Variants in CMSS1 observed in about 807,000 individuals in gnomAD.
CMSS1 encodes the protein protein CMSS1.
CMSS1 carries 33 observed loss-of-function variants against 43.5 expected under a neutral mutation model. That is an observed-to-expected ratio of 0.76 (90% confidence interval 0.57 to 1.01). The LOEUF (loss-of-function observed/expected upper bound fraction) is 1.01, where lower values mean the gene tolerates loss of function less well. Ranked by LOEUF, CMSS1 falls within the 50% of genes least tolerant of loss-of-function variation. CMSS1 has a pLI of 0.00. For synonymous variants in CMSS1, 115 were observed against 117.2 expected (o/e 0.98, Z 0.12); for missense variants, 313 against 326.4 (o/e 0.96, Z 0.32).
At chr3:99,988,526 A>AG (rs1390564205) in intron 1 of CMSS1, among the ~76,000 whole-genome samples, 4 of 143,932 alleles carry the variant, frequency 2.8e-5, no homozygotes, top group Middle Eastern at 3.6e-3. Context: ...AAAAAAAAAA[A>AG]AAAAGAAAGA....
chr3:99,960,038 T>C (rs968474282), intron 1 of CMSS1, among the ~76,000 whole-genome samples: 1 of 152,176 alleles, frequency 6.6e-6, no homozygotes, highest in Non-Finnish European at 1.5e-5. Flanking sequence ...CCTTCATTTA[T>C]AAATTGTCTA....
At chr3:100,145,520 A>G (rs2066842570) in intron 1 of CMSS1, among the ~76,000 whole-genome samples, 1 of 152,164 alleles carries the variant, frequency 6.6e-6, no homozygotes, top group Non-Finnish European at 1.5e-5. Flanking sequence ...ATAAGGAACG[A>G]GATTTACTCT....
intron 2 of CMSS1, among the ~76,000 whole-genome samples, chr3:100,150,277 G>C (rs1320259856): frequency 6.6e-6 from 1 of 152,152 alleles, no homozygotes; most frequent in Admixed American, 6.5e-5. Flanking sequence ...ACAGTTTGGG[G>C]CTCTTATTTG....
intron 1 of CMSS1, among the ~76,000 whole-genome samples, chr3:99,908,218 T>C (rs997826170): frequency 6.6e-6 from 1 of 152,192 alleles, no homozygotes; most frequent in African/African-American, 2.4e-5. Context: ...GTATGTCCAT[T>C]ACCTAATTTG....
At chr3:100,106,609 C>G (rs1402495852) in intron 1 of CMSS1, among the ~76,000 whole-genome samples, 3 of 152,150 alleles carry the variant, frequency 2.0e-5, no homozygotes, top group East Asian at 3.9e-4. Context: ...ATCATTTTCT[C>G]TAACTGTGTT....
At chr3:100,080,239 T>TC (rs2065910576) in intron 1 of CMSS1, among the ~76,000 whole-genome samples, 1 of 152,134 alleles carries the variant, frequency 6.6e-6, no homozygotes, top group African/African-American at 2.4e-5. Flanking sequence ...TGCCTTGGCC[T>TC]CCCAAAGTAT....
intron 6 of CMSS1, among the ~76,000 whole-genome samples, chr3:100,170,601 A>G (rs1168670244): frequency 6.6e-6 from 1 of 152,236 alleles, no homozygotes; most frequent in Non-Finnish European, 1.5e-5. Flanking sequence ...CCTCTGTGAC[A>G]TAGTGACAGC....
chr3:99,916,379 T>C (rs1706950691), intron 1 of CMSS1, among the ~76,000 whole-genome samples: 1 of 151,518 alleles, frequency 6.6e-6, no homozygotes, highest in East Asian at 1.9e-4. Flanking sequence ...AGACAGCAGC[T>C]CATGCAACTG....
At chr3:100,177,323 T>A (rs1162954386) in intron 9 of CMSS1, among the ~76,000 whole-genome samples, 1 of 150,884 alleles carries the variant, frequency 6.6e-6, no homozygotes, top group Non-Finnish European at 1.5e-5. Flanking sequence ...TTTTGTCCCC[T>A]GACTTGACTG....
intron 1 of CMSS1, among the ~76,000 whole-genome samples, chr3:100,064,390 C>A (rs576421260): frequency 5.9e-5 from 9 of 152,186 alleles, no homozygotes; most frequent in African/African-American, 1.9e-4. Flanking sequence ...CCTGACCCCC[C>A]CAACACCCTT....
At chr3:99,908,353 C>T (rs913259918) in intron 1 of CMSS1, among the ~76,000 whole-genome samples, 2 of 152,214 alleles carry the variant, frequency 1.3e-5, no homozygotes, top group East Asian at 1.9e-4. Context: ...TGGCTTCACT[C>T]GTGTTCTCTT....
intron 1 of CMSS1, among the ~76,000 whole-genome samples, chr3:100,003,489 C>G (rs897517693): frequency 6.6e-6 from 1 of 152,166 alleles, no homozygotes; most frequent in African/African-American, 2.4e-5. Flanking sequence ...TGCATTTTTT[C>G]TTTTGAATCT....
chr3:100,174,988 T>A (rs2067137764), intron 8 of CMSS1, among the ~76,000 whole-genome samples: 1 of 152,246 alleles, frequency 6.6e-6, no homozygotes, highest in Non-Finnish European at 1.5e-5. Context: ...TTGATTATAC[T>A]GCATCTCATA....
At chr3:99,963,720 A>G (rs1708562007) in intron 1 of CMSS1, among the ~76,000 whole-genome samples, 2 of 151,840 alleles carry the variant, frequency 1.3e-5, no homozygotes, top group South Asian at 4.2e-4. Flanking sequence ...TGGTTCGAGC[A>G]ATTCTCCTGT....
chr3:100,141,628 A>G (rs1421488445), intron 1 of CMSS1: 1 of 451,462 alleles, frequency 2.2e-6, no homozygotes, highest in Non-Finnish European at 4.4e-6. Flanking sequence ...CAAAAAGAAG[A>G]TGAAGGTAGG....
chr3:100,021,112 G>T (rs2064809339), intron 1 of CMSS1, among the ~76,000 whole-genome samples: 1 of 152,150 alleles, frequency 6.6e-6, no homozygotes, highest in Admixed American at 6.6e-5. Flanking sequence ...TTCAAGGCCG[G>T]TCAATTGCCT....
At chr3:99,819,745 A>C (rs1419458125) in intron 1 of CMSS1, among the ~76,000 whole-genome samples, 1 of 144,528 alleles carries the variant, frequency 6.9e-6, no homozygotes, top group Non-Finnish European at 1.5e-5. Flanking sequence ...ACCAACCAAC[A>C]GTTTTTTTTT....
chr3:100,020,667 T>C (rs2064794897), intron 1 of CMSS1, among the ~76,000 whole-genome samples: 1 of 152,168 alleles, frequency 6.6e-6, no homozygotes, highest in Non-Finnish European at 1.5e-5. Context: ...AAAGTGTTTA[T>C]TTTTAGTGAT....
At chr3:100,028,713 A>G (rs1486825296) in intron 1 of CMSS1, among the ~76,000 whole-genome samples, 1 of 152,222 alleles carries the variant, frequency 6.6e-6, no homozygotes, top group Non-Finnish European at 1.5e-5. Context: ...TTATCCAGTT[A>G]GAAAATAATC....
Sources: gnomAD v4.1 joint callset for allele counts (sites outside exome capture counted in the v4.1 genomes callset) on GRCh38, gnomAD v4.1.1 for gene constraint, MANE v1.5 for transcripts, NCBI Gene and HGNC (gene_info 2026-07-23, HGNC 2026-07-21) for gene names.